ABLIM1: variants seen among roughly 807,000 people sequenced by gnomAD.
ABLIM1 encodes the protein actin binding LIM protein 1.
ABLIM1 carries 40 observed loss-of-function variants against 107.0 expected under a neutral mutation model. The ratio of observed to expected loss-of-function variants is 0.37; its 90% confidence interval spans 0.29 to 0.49. ABLIM1 has a LOEUF of 0.49. Among genes scored for constraint, ABLIM1 ranks in the 20% least tolerant of loss-of-function variants. The pLI is 0.97. For synonymous variants in ABLIM1, 357 were observed against 357.3 expected, an observed-to-expected ratio of 1.00 and a Z score of 0.01; for missense variants, 857 against 1,008.5, an observed-to-expected ratio of 0.85 and a Z score of 2.04.
chr10:114,631,705 TC>T (rs903581441), intron 1 of ABLIM1, among the ~76,000 whole-genome samples: 1 of 151,862 alleles, frequency 6.6e-6, no homozygotes, highest in Non-Finnish European at 1.5e-5. Flanking sequence ...CAGGATGTGC[TC>T]CCGATGCGGT....
intron 6 of ABLIM1, among the ~76,000 whole-genome samples, chr10:114,527,191 C>G (rs1565831856): frequency 6.6e-6 from 1 of 152,144 alleles, no homozygotes; most frequent in African/African-American, 2.4e-5. Flanking sequence ...CTGAGCACAG[C>G]CATCACACAG....
upstream of ABLIM1, chr10:114,768,142 C>A: frequency 6.0e-6 from 2 of 331,634 alleles, no homozygotes; most frequent in Non-Finnish European, 6.2e-6. Flanking sequence ...AAGAAGGCAG[C>A]CCCGGAGCGC....
chr10:114,639,580 G>A (rs2078641800), intron 1 of ABLIM1, among the ~76,000 whole-genome samples: 1 of 152,200 alleles, frequency 6.6e-6, no homozygotes, highest in African/African-American at 2.4e-5. Context: ...AGCTGTGAAT[G>A]GTATGAGACG....
chr10:114,552,375 T>C (rs761392023), intron 4 of ABLIM1, among the ~76,000 whole-genome samples: 6 of 152,074 alleles, frequency 3.9e-5, no homozygotes, highest in Non-Finnish European at 8.8e-5. Context: ...AGCTGGTGAT[T>C]GGCATTGGAA....
chr10:114,471,193 C>A (rs1212487342), intron 10 of ABLIM1, among the ~76,000 whole-genome samples: 2 of 152,202 alleles, frequency 1.3e-5, no homozygotes, highest in African/African-American at 4.8e-5. Context: ...CCATGTCTGG[C>A]AGAGTCTGGT....
chr10:114,470,841 GTTTTTCTT>G (rs903218392), intron 10 of ABLIM1, among the ~76,000 whole-genome samples: 132 of 151,090 alleles, frequency 8.7e-4, no homozygotes, highest in African/African-American at 3.2e-3. Flanking sequence ...CATCGGTCTG[GTTTTTCTT>G]TTTTTCTTTT....
chr10:114,631,762 C>T, intron 1 of ABLIM1: 2 of 868,662 alleles, frequency 2.3e-6, no homozygotes, highest in Admixed American at 4.3e-5. Flanking sequence ...GATGGAAACC[C>T]AGACTTCACA....
At chr10:114,633,752 C>T (rs1457477950) in intron 1 of ABLIM1, among the ~76,000 whole-genome samples, 1 of 152,170 alleles carries the variant, frequency 6.6e-6, no homozygotes, top group African/African-American at 2.4e-5. Flanking sequence ...ATTTTCATGG[C>T]TAAAACTGCA....
At position 114,589,800 on chromosome 10, in the gene ABLIM1, T is replaced by C. The variant is rs554367275; in HGVS notation, c.379+12027A>G. Among the ~76,000 whole-genome samples the C allele has an allele frequency of 3.3e-5, 5 of 152,222 alleles. No individual in the cohort carries two copies. In the South Asian group the frequency reaches 1.0e-3, roughly 32 times the overall value. On this transcript the variant is annotated intron_variant, in intron 2 of 22. Coordinates refer to ENST00000533213, the MANE Select transcript of ABLIM1 (RefSeq NM_002313.7). ...AAAAATAAGGTTTATAAAGTAAAAA[T>C]TACAGGGAGCTAAGGTTAATTTATT...
intron 4 of ABLIM1, among the ~76,000 whole-genome samples, chr10:114,563,378 T>C (rs2070080843): frequency 6.6e-6 from 1 of 152,156 alleles, no homozygotes; most frequent in Admixed American, 6.5e-5. Flanking sequence ...CTAGGCCTTG[T>C]ATAAGAAAGA....
chr10:114,699,843 G>C (rs2081272405), intron 1 of ABLIM1, among the ~76,000 whole-genome samples: 1 of 152,180 alleles, frequency 6.6e-6, no homozygotes, highest in Non-Finnish European at 1.5e-5. Flanking sequence ...TTGTGGTGAT[G>C]AAACTGTTGT....
At chr10:114,526,519 A>G (rs1370726656) in intron 6 of ABLIM1, 1 of 517,986 alleles carries the variant, frequency 1.9e-6, no homozygotes, top group East Asian at 1.5e-4. Context: ...TCAGGGCAAT[A>G]AAAGTGACTT....
At chr10:114,600,367 C>A (rs1310665853) in intron 2 of ABLIM1, among the ~76,000 whole-genome samples, 1 of 152,136 alleles carries the variant, frequency 6.6e-6, no homozygotes, top group Admixed American at 6.5e-5. Flanking sequence ...ATGCGCTGAG[C>A]ATTGAGCTCA....
At chr10:114,699,804 C>T (rs950111605) in intron 1 of ABLIM1, among the ~76,000 whole-genome samples, 4 of 152,126 alleles carry the variant, frequency 2.6e-5, no homozygotes, top group African/African-American at 9.7e-5. Flanking sequence ...ACAGTTATGT[C>T]TGCTATAAAA....
chr10:114,683,517 T>C (rs937091164), intron 1 of ABLIM1, among the ~76,000 whole-genome samples: 1 of 152,062 alleles, frequency 6.6e-6, no homozygotes. Context: ...CTACCAGTCC[T>C]GGGTACAAAG....
chr10:114,730,855 C>T (rs1214791807), intron 1 of ABLIM1, among the ~76,000 whole-genome samples: 4 of 152,088 alleles, frequency 2.6e-5, no homozygotes, highest in Non-Finnish European at 5.9e-5. Flanking sequence ...CACTAGTCTA[C>T]TTTTTGTCCC....
chr10:114,520,469 T>C (rs1485626687), intron 6 of ABLIM1, among the ~76,000 whole-genome samples: 4 of 152,038 alleles, frequency 2.6e-5, no homozygotes, highest in Non-Finnish European at 5.9e-5. Flanking sequence ...GTAAGTTTCA[T>C]ATTCTAGGGG....
chr10:114,640,932 T>C (rs2078717839), intron 1 of ABLIM1, among the ~76,000 whole-genome samples: 1 of 152,110 alleles, frequency 6.6e-6, no homozygotes, highest in Non-Finnish European at 1.5e-5. Context: ...GCCTGAAAAT[T>C]ATGTATCCTG....
intron 3 of ABLIM1, among the ~76,000 whole-genome samples, chr10:114,573,697 C>T (rs1003177380): frequency 6.6e-6 from 1 of 152,200 alleles, no homozygotes; most frequent in African/African-American, 2.4e-5. Context: ...TCCACTCCCA[C>T]CCATCCAGGA....
Sources: allele counts gnomAD v4.1 joint callset (sites outside exome capture counted in the v4.1 genomes callset), GRCh38; gene constraint gnomAD v4.1.1; transcripts MANE v1.5; gene names NCBI Gene and HGNC (gene_info 2026-07-23, HGNC 2026-07-21).